Variants in ELFN2 observed in about 807,000 individuals in gnomAD.
ELFN2 encodes extracellular leucine rich repeat and fibronectin type III domain containing 2.
A neutral mutation model predicts 45.5 loss-of-function variants in ELFN2; 17 were observed. The ratio of observed to expected loss-of-function variants is 0.37; its 90% CI spans 0.26 to 0.56. The LOEUF is 0.56. ELFN2 is among the 20% of genes least tolerant of loss of function. ELFN2 has a pLI of 0.77. For synonymous variants in ELFN2, 550 were observed against 551.5 expected (o/e 1.00, Z 0.04); for missense variants, 922 against 1,183.2 (o/e 0.78, Z 3.24).
In ELFN2 at chr22:37,375,610, G is replaced by A; in HGVS notation, c.-76C>T. ...GCCAGAGGCTGGGGCTGGCAGTACA[G>A]TCCTCCCTGGGGCCGCCACCATCTT... On this transcript the variant is annotated 5_prime_UTR_variant, in exon 3 of 3. Coordinates refer to ENST00000402918, the MANE Select transcript of ELFN2 (RefSeq NM_052906.5). 2 of 1,450,926 alleles carry A rather than the reference G, an allele frequency of 1.4e-6. No homozygotes were observed. Among genetic ancestry groups the A allele is most frequent in the Non-Finnish European group, 1.8e-6 (2 of 1,097,192 alleles). The allele number at this position is 1,450,926 out of a possible 1,614,324, so 89.9% of individuals were successfully genotyped here. A position where few individuals can be genotyped will look rare whatever the true frequency, so the allele number is the denominator to read the frequency against.
chr22:37,367,296 CAGAG>C (rs1345708830), downstream of ELFN2, among the ~76,000 whole-genome samples: 1 of 152,200 alleles, frequency 6.6e-6, no homozygotes, highest in Non-Finnish European at 1.5e-5. Context: ...TCAGCCTGAC[CAGAG>C]AGACAAGGCA....
At chr22:37,366,817 G>A (rs1931216747), downstream of ELFN2, among the ~76,000 whole-genome samples, 1 of 152,266 alleles carries the variant, frequency 6.6e-6, no homozygotes, top group Non-Finnish European at 1.5e-5. Context: ...GCCCCCTTGG[G>A]ACGGCTGCAC....
chr22:37,350,972 C>T (rs1930808431), intron 1 of ELFN2, among the ~76,000 whole-genome samples: 1 of 150,538 alleles, frequency 6.6e-6, no homozygotes, highest in Non-Finnish European at 1.5e-5. Context: ...CTGCCCCTGC[C>T]TCAGTGGGCC....
intron 2 of ELFN2, among the ~76,000 whole-genome samples, chr22:37,382,706 C>A (rs749530401): frequency 1.3e-5 from 2 of 152,110 alleles, no homozygotes; most frequent in African/African-American, 4.8e-5. Context: ...CATGCCACGA[C>A]GCCCAGCTAA....
chr22:37,410,032 T>C (rs1932606724), intron 2 of ELFN2, among the ~76,000 whole-genome samples: 1 of 152,096 alleles, frequency 6.6e-6, no homozygotes, highest in Non-Finnish European at 1.5e-5. Context: ...GTTTTACACA[T>C]ACATGCTCCA....
chr22:37,348,733 C>T (rs1295908134), intron 1 of ELFN2, among the ~76,000 whole-genome samples: 1 of 150,924 alleles, frequency 6.6e-6, no homozygotes, highest in East Asian at 1.9e-4. Flanking sequence ...AATCTGTGTC[C>T]TATCTGAGGA....
chr22:37,386,736 C>G (rs1931957339), intron 2 of ELFN2, among the ~76,000 whole-genome samples: 1 of 152,188 alleles, frequency 6.6e-6, no homozygotes, highest in Non-Finnish European at 1.5e-5. Flanking sequence ...AAACCACAGC[C>G]CAAACGTGAG....
intron 2 of ELFN2, among the ~76,000 whole-genome samples, chr22:37,342,271 T>C (rs747716500): frequency 3.8e-4 from 58 of 152,304 alleles, no homozygotes; most frequent in Admixed American, 1.8e-3. Flanking sequence ...CTGCAAATGA[T>C]CCAGCTCCTC....
At chr22:37,390,102 G>A (rs1049511477) in intron 2 of ELFN2, among the ~76,000 whole-genome samples, 2 of 152,200 alleles carry the variant, frequency 1.3e-5, no homozygotes, top group African/African-American at 4.8e-5. Flanking sequence ...TCACACTGCG[G>A]CAGGGCCTCA....
intron 1 of ELFN2, among the ~76,000 whole-genome samples, chr22:37,423,754 A>T (rs2145694418): frequency 6.6e-6 from 1 of 152,246 alleles, no homozygotes; most frequent in East Asian, 1.9e-4. Context: ...CTGGCACCCC[A>T]GGCATAAGCA....
intron 2 of ELFN2, among the ~76,000 whole-genome samples, chr22:37,376,340 T>C (rs1029167616): frequency 1.3e-5 from 2 of 151,914 alleles, no homozygotes; most frequent in Non-Finnish European, 2.9e-5. Flanking sequence ...TCCCCCTACC[T>C]GCACAGAGAC....
intron 2 of ELFN2, among the ~76,000 whole-genome samples, chr22:37,377,755 G>A (rs1460151759): frequency 6.6e-6 from 1 of 152,218 alleles, no homozygotes; most frequent in Admixed American, 6.5e-5. Flanking sequence ...ACCAGCTTGG[G>A]GGCACCACAA....
rs147936353 is a variant in ELFN2, at chr22:37,404,597, C to A, written c.-463+13172G>T. 4.3e-3 allele frequency among the ~76,000 whole-genome samples: 662 copies of A among 152,208 alleles called. 5 individuals are homozygous for A. Among genetic ancestry groups the A allele is most frequent in the African/African-American group, 0.015 (608 of 41,506 alleles). On this transcript the variant is annotated intron_variant, in intron 2 of 2. Transcript: ENST00000402918. ...AAAGGAGTGACCAGTCAGCAGGTGG[C>A]CACACGCAATGTCCTACAGCCAGAG...
intron 1 of ELFN2, among the ~76,000 whole-genome samples, chr22:37,357,714 C>T (rs1930984338): frequency 6.6e-6 from 1 of 152,116 alleles, no homozygotes. Context: ...GTTGCGGTGC[C>T]CTAGAACCCC....
chr22:37,377,609 G>A (rs1601748261), intron 2 of ELFN2, among the ~76,000 whole-genome samples: 1 of 152,244 alleles, frequency 6.6e-6, no homozygotes, highest in South Asian at 2.1e-4. Flanking sequence ...AGAAGTCCGA[G>A]GTGGGGATGG....
chr22:37,363,613 G>T (rs1012530831), downstream of ELFN2, among the ~76,000 whole-genome samples: 2 of 152,172 alleles, frequency 1.3e-5, no homozygotes, highest in African/African-American at 4.8e-5. Flanking sequence ...ACAGCAGGCT[G>T]GGGCCCTAGG....
At chr22:37,358,423 G>A (rs757105689) in intron 1 of ELFN2, among the ~76,000 whole-genome samples, 3 of 152,222 alleles carry the variant, frequency 2.0e-5, no homozygotes, top group African/African-American at 4.8e-5. Flanking sequence ...TCGGTCCACC[G>A]TTTCTTCGAA....
At chr22:37,380,525 G>A (rs1336621908) in intron 2 of ELFN2, among the ~76,000 whole-genome samples, 2 of 152,170 alleles carry the variant, frequency 1.3e-5, no homozygotes, top group Admixed American at 6.5e-5. Context: ...GGGGGGAAGC[G>A]CAGTCTGTGT....
At chr22:37,381,536 C>A (rs2145645333) in intron 2 of ELFN2, among the ~76,000 whole-genome samples, 1 of 152,124 alleles carries the variant, frequency 6.6e-6, no homozygotes, top group African/African-American at 2.4e-5. Flanking sequence ...CACTCCCTGC[C>A]CCTGACCCCC....
Sources: gnomAD v4.1 joint callset for allele counts (sites outside exome capture counted in the v4.1 genomes callset) on GRCh38, gnomAD v4.1.1 for gene constraint, MANE v1.5 for transcripts, NCBI Gene and HGNC (gene_info 2026-07-23, HGNC 2026-07-21) for gene names.